Variants in CARNMT1 observed in about 807,000 individuals in gnomAD.
CARNMT1 encodes protein-L-histidine N-pros-methyltransferase CARNMT1.
A neutral mutation model predicts 49.6 loss-of-function variants in CARNMT1; 28 were observed. The observed-to-expected ratio is 0.56, with a 90% CI of 0.42 to 0.77. The LOEUF (loss-of-function observed/expected upper bound fraction) is 0.77. Ranked by LOEUF, CARNMT1 falls within the 30% of genes least tolerant of loss-of-function variation. The probability of loss-of-function intolerance (pLI) is 0.00; values close to 1 mark genes in which losing one functional copy is unlikely to be tolerated. For synonymous variants in CARNMT1, 178 were observed against 175.0 expected (o/e 1.02, Z -0.13); for missense variants, 421 against 512.6 (o/e 0.82, Z 1.73).
chr9:75,008,965 A>G (rs1041483206), intron 3 of CARNMT1, among the ~76,000 whole-genome samples: 2 of 152,136 alleles, frequency 1.3e-5, no homozygotes, highest in Non-Finnish European at 2.9e-5. Flanking sequence ...CACACAGACC[A>G]ATGAAACAGA....
chr9:74,985,776 C>T (rs947148350), intron 6 of CARNMT1, among the ~76,000 whole-genome samples: 41 of 152,150 alleles, frequency 2.7e-4, no homozygotes, highest in African/African-American at 9.4e-4. Flanking sequence ...GACAGCGTTT[C>T]ACCATGTTGG....
chr9:75,021,333 GTATA>G (rs1025508765), intron 1 of CARNMT1, among the ~76,000 whole-genome samples: 17 of 143,352 alleles, frequency 1.2e-4, no homozygotes, highest in African/African-American at 3.9e-4. Context: ...ATTATATATA[GTATA>G]TATACTACTA....
At chr9:75,008,168 T>TAAAAA (rs71368697) in intron 3 of CARNMT1, among the ~76,000 whole-genome samples, 14 of 48,712 alleles carry the variant, frequency 2.9e-4, no homozygotes, top group South Asian at 1.9e-3. Flanking sequence ...GCTGATGAGC[T>TAAAAA]AAAAAAAAAA....
At chr9:75,021,363 TTATA>T (rs1375651411) in intron 1 of CARNMT1, among the ~76,000 whole-genome samples, 1 of 146,504 alleles carries the variant, frequency 6.8e-6, no homozygotes, top group Non-Finnish European at 1.5e-5. Flanking sequence ...ACCATATATA[TTATA>T]TACATAGTAT....
At chr9:74,996,694 T>C in intron 5 of CARNMT1, 134 bp from the exon 6 acceptor site, 1 of 561,996 alleles carries the variant, frequency 1.8e-6, no homozygotes, top group East Asian at 3.0e-5. Flanking sequence ...AAACTTCTGA[T>C]CAACATTATA....
At chr9:75,000,394 G>C (rs1833318853) in intron 3 of CARNMT1, among the ~76,000 whole-genome samples, 1 of 152,038 alleles carries the variant, frequency 6.6e-6, no homozygotes, top group Admixed American at 6.6e-5. Flanking sequence ...TTTGGGGGAG[G>C]GGATATTTTC....
chr9:75,015,173 T>C (rs952519693), intron 3 of CARNMT1, among the ~76,000 whole-genome samples: 1 of 152,186 alleles, frequency 6.6e-6, no homozygotes, highest in Non-Finnish European at 1.5e-5. Flanking sequence ...AATTACATTT[T>C]AATTTCAGAA....
chr9:75,009,225 T>C (rs1234179928), intron 3 of CARNMT1, among the ~76,000 whole-genome samples: 1 of 152,040 alleles, frequency 6.6e-6, no homozygotes, highest in Non-Finnish European at 1.5e-5. Context: ...TTTTAAAAAG[T>C]TTTTTCTTTT....
intron 6 of CARNMT1, among the ~76,000 whole-genome samples, chr9:74,990,515 C>T (rs1408242676): frequency 1.3e-5 from 2 of 151,980 alleles, no homozygotes; most frequent in African/African-American, 4.8e-5. Flanking sequence ...TTCTTAAGGC[C>T]CTCCTTTGAT....
At chr9:74,995,754 CATG>C (rs1833169228) in intron 6 of CARNMT1, among the ~76,000 whole-genome samples, 1 of 152,116 alleles carries the variant, frequency 6.6e-6, no homozygotes, top group Admixed American at 6.6e-5. Context: ...ATGTTCTAGT[CATG>C]ATGTCTTTCT....
intron 6 of CARNMT1, among the ~76,000 whole-genome samples, chr9:74,991,954 T>C (rs1227171756): frequency 6.6e-6 from 1 of 152,186 alleles, no homozygotes; most frequent in Non-Finnish European, 1.5e-5. Flanking sequence ...TTCAGTCATC[T>C]ATCTTTTAAA....
chr9:75,004,153 G>A (rs1175179425), intron 3 of CARNMT1, among the ~76,000 whole-genome samples: 1 of 152,220 alleles, frequency 6.6e-6, no homozygotes, highest in African/African-American at 2.4e-5. Flanking sequence ...GGGATTACAG[G>A]CGTGAGCCAC....
intron 3 of CARNMT1, among the ~76,000 whole-genome samples, chr9:75,008,183 A>C (rs1358313864): frequency 1.3e-5 from 2 of 150,816 alleles, no homozygotes; most frequent in Non-Finnish European, 1.5e-5. Flanking sequence ...AAAAAAAAAA[A>C]AAAAAAAAAA....
chr9:75,011,519 A>G (rs528687540), intron 3 of CARNMT1, among the ~76,000 whole-genome samples: 4 of 152,284 alleles, frequency 2.6e-5, no homozygotes, highest in Admixed American at 1.3e-4. Flanking sequence ...ATACAAGTGC[A>G]TGCCACCTCA....
At chr9:75,019,926 A>G (rs1833947654) in intron 1 of CARNMT1, among the ~76,000 whole-genome samples, 1 of 152,218 alleles carries the variant, frequency 6.6e-6, no homozygotes, top group African/African-American at 2.4e-5. Context: ...TCCCATCACC[A>G]TCTGGATAAC....
chr9:75,003,291 AATAATTCATTC>A (rs752631774), intron 3 of CARNMT1, among the ~76,000 whole-genome samples: 8 of 152,222 alleles, frequency 5.3e-5, no homozygotes, highest in Non-Finnish European at 1.0e-4. Flanking sequence ...CTATGCTTTC[AATAATTCATTC>A]ACAGTTCTAT....
intron 6 of CARNMT1, among the ~76,000 whole-genome samples, 165 bp from the exon 7 acceptor site, chr9:74,985,175 CAA>C (rs1286709055): frequency 6.6e-6 from 1 of 152,180 alleles, no homozygotes; most frequent in African/African-American, 2.4e-5. Context: ...CCTAGTATCT[CAA>C]GAGTTGGGCC....
At chr9:74,984,370 C>T (rs1439038970) in intron 7 of CARNMT1, among the ~76,000 whole-genome samples, 5 of 152,242 alleles carry the variant, frequency 3.3e-5, no homozygotes, top group South Asian at 2.1e-4. Flanking sequence ...TTATAATGAT[C>T]GGCTACCATT....
intron 6 of CARNMT1, among the ~76,000 whole-genome samples, chr9:74,992,187 G>A (rs1026591733): frequency 1.3e-5 from 2 of 151,730 alleles, no homozygotes; most frequent in Non-Finnish European, 2.9e-5. Context: ...CATAAGAATC[G>A]CTTGAACCCA....
Sources: gnomAD v4.1 joint callset for allele counts (sites outside exome capture counted in the v4.1 genomes callset) on GRCh38, gnomAD v4.1.1 for gene constraint, MANE v1.5 for transcripts, NCBI Gene and HGNC (gene_info 2026-07-23, HGNC 2026-07-21) for gene names.